TEF: variants seen among roughly 807,000 people sequenced by gnomAD.
TEF encodes the protein thyrotroph embryonic factor.
TEF carries 3 observed loss-of-function variants against 20.8 expected under a neutral mutation model. That is an observed-to-expected ratio of 0.14 (90% CI 0.07 to 0.37). The LOEUF is 0.37. TEF is among the 10% of genes least tolerant of loss of function. TEF has a pLI of 1.00. For missense variants in TEF, 296 were observed against 397.9 expected (o/e 0.74, Z 2.18); for synonymous variants, 180 against 171.1 (o/e 1.05, Z -0.41).
At chr22:41,375,886 T>C (rs902310296) in intron 1 of TEF, among the ~76,000 whole-genome samples, 1 of 152,142 alleles carries the variant, frequency 6.6e-6, no homozygotes, top group African/African-American at 2.4e-5. Flanking sequence ...ACTGGGTTAT[T>C]ACCCTGAACA....
chr22:41,394,076 C>G lies in TEF; in HGVS notation c.476-20C>G. The G allele has an allele frequency of 6.2e-7, 1 of 1,611,210 alleles. No individual in the cohort carries two copies. On this transcript the variant is annotated intron_variant, in intron 2 of 3. Transcript: ENST00000266304. ...TGTCCAGTGGGCTGCTTCGGGACCA[C>G]CTGTCTCTGTGTCTTTTAGAATCTT... is the stretch of plus-strand genomic sequence containing the variant.
At chr22:41,374,551 CAAA>C (rs778761708) in intron 1 of TEF, among the ~76,000 whole-genome samples, 2 of 131,088 alleles carry the variant, frequency 1.5e-5, no homozygotes. Flanking sequence ...GACTCTGTCT[CAAA>C]AAAAAAAAAA....
intron 1 of TEF, among the ~76,000 whole-genome samples, chr22:41,374,851 C>A (rs1168250186): frequency 6.6e-6 from 1 of 152,038 alleles, no homozygotes; most frequent in Non-Finnish European, 1.5e-5. Flanking sequence ...AGGGGTTGAT[C>A]TTGTTGTTTC....
At chr22:41,381,785 C>G (rs924254486), upstream of TEF, 46 of 934,538 alleles carry the variant, frequency 4.9e-5, no homozygotes, top group African/African-American at 7.7e-4. Flanking sequence ...CGACCAATCA[C>G]GGCCCGAGGA....
intron 1 of TEF, chr22:41,382,801 T>G: frequency 1.2e-5 from 5 of 413,638 alleles, no homozygotes; most frequent in Non-Finnish European, 2.0e-5. Flanking sequence ...TGTGGGCGAG[T>G]AGTGTGAGGC....
At chr22:41,383,894 G>C (rs1306600369) in intron 1 of TEF, among the ~76,000 whole-genome samples, 2 of 152,240 alleles carry the variant, frequency 1.3e-5, no homozygotes, top group Non-Finnish European at 2.9e-5. Flanking sequence ...GAGGAGTCCA[G>C]ATCTCAAGGG....
intron 1 of TEF, among the ~76,000 whole-genome samples, chr22:41,368,194 C>T (rs1279501233): frequency 6.6e-6 from 1 of 152,084 alleles, no homozygotes; most frequent in Non-Finnish European, 1.5e-5. Flanking sequence ...GTGGCCAGCA[C>T]CAGGTGTCTC....
chr22:41,392,151 T>G (rs1273942887), intron 2 of TEF, among the ~76,000 whole-genome samples: 1 of 152,212 alleles, frequency 6.6e-6, no homozygotes. Flanking sequence ...ATAGTTTTTC[T>G]TAATATAACT....
chr22:41,369,138 CAG>C, intron 1 of TEF: 4 of 985,386 alleles, frequency 4.1e-6, no homozygotes, highest in Non-Finnish European at 4.8e-6. Flanking sequence ...GGAGGATTCT[CAG>C]GGGCGACTCG....
At chr22:41,381,610 A>T (rs956549146), upstream of TEF, among the ~76,000 whole-genome samples, 1 of 151,330 alleles carries the variant, frequency 6.6e-6, no homozygotes, top group Non-Finnish European at 1.5e-5. Flanking sequence ...GGTTATGAAG[A>T]GGGCGGTGAA....
upstream of TEF, among the ~76,000 whole-genome samples, chr22:41,380,082 A>T (rs1405460847): frequency 6.6e-6 from 1 of 151,768 alleles, no homozygotes; most frequent in Admixed American, 6.6e-5. Flanking sequence ...AGTCCTTCAA[A>T]TCTCTTGCTT....
chr22:41,387,747 TGTACCCA>T (rs2145983743), intron 2 of TEF, 79 bp downstream of exon 2: 1 of 1,417,758 alleles, frequency 7.1e-7, no homozygotes, highest in African/African-American at 1.4e-5. Flanking sequence ...CTTGTGTCCA[TGTACCCA>T]GTGAGTCCCT....
rs1569254498 is a variant in TEF, at chr22:41,381,981, G to C, written c.-64G>C. 5 of 1,228,772 alleles carry C rather than the reference G, an allele frequency of 4.1e-6. No individual in the cohort carries two copies. Among genetic ancestry groups the C allele is most frequent in the Non-Finnish European group, 4.1e-6 (4 of 986,076 alleles). The allele number at this position is 1,228,772 out of a possible 1,614,324, so 76.1% of individuals were successfully genotyped here. ...TGTCGGCAGCTGCAGCGGGTCGCAC[G>C]GCTCCGGCCCATCTCGGGGGGCGGG... is the stretch of plus-strand genomic sequence containing the variant. On this transcript the variant is annotated 5_prime_UTR_variant, in exon 1 of 4. Transcript: ENST00000266304.
At chr22:41,377,519 T>C (rs1340560325), upstream of TEF, among the ~76,000 whole-genome samples, 1 of 152,224 alleles carries the variant, frequency 6.6e-6, no homozygotes, top group African/African-American at 2.4e-5. Flanking sequence ...TCCCAACGTT[T>C]ATTCCTCCAC....
intron 1 of TEF, among the ~76,000 whole-genome samples, chr22:41,369,597 C>T (rs1321323613): frequency 6.6e-6 from 1 of 151,436 alleles, no homozygotes; most frequent in African/African-American, 2.5e-5. Flanking sequence ...CCCAAAGCTG[C>T]CCGAATCTCC....
At chr22:41,390,553 AG>A (rs1369056173) in intron 2 of TEF, among the ~76,000 whole-genome samples, 13 of 120,736 alleles carry the variant, frequency 1.1e-4, no homozygotes, top group African/African-American at 4.0e-4. Flanking sequence ...CCCAGACTGG[AG>A]TGCAGTGGTG....
At chr22:41,381,928 C>T, upstream of TEF, 4 of 1,225,626 alleles carry the variant, frequency 3.3e-6, no homozygotes, top group Non-Finnish European at 4.1e-6. Flanking sequence ...GCGGGGGCGC[C>T]ATTGGGCGCC....
intron 1 of TEF, among the ~76,000 whole-genome samples, chr22:41,374,993 A>G (rs2036923367): frequency 6.6e-6 from 1 of 152,178 alleles, no homozygotes; most frequent in Non-Finnish European, 1.5e-5. Flanking sequence ...CTAAAGTGGA[A>G]GCAGGAGTCA....
At chr22:41,367,759 G>C (rs549743981) in intron 1 of TEF, among the ~76,000 whole-genome samples, 1 of 152,158 alleles carries the variant, frequency 6.6e-6, no homozygotes, top group Admixed American at 6.5e-5. Context: ...AGAGGGGTTC[G>C]AGGAGGCATG....
Sources: allele counts gnomAD v4.1 joint callset (sites outside exome capture counted in the v4.1 genomes callset), GRCh38; gene constraint gnomAD v4.1.1; transcripts MANE v1.5; gene names NCBI Gene and HGNC (gene_info 2026-07-23, HGNC 2026-07-21).